Variants in PAPSS2 observed in about 807,000 individuals in gnomAD.
The protein encoded by PAPSS2 is 3'-phosphoadenosine 5'-phosphosulfate synthase 2.
Under a neutral mutation model 66.5 loss-of-function variants are expected in PAPSS2, and 61 were observed. The observed-to-expected ratio is 0.92, with a 90% CI of 0.75 to 1.14. The LOEUF (loss-of-function observed/expected upper bound fraction) is 1.14, where lower values mean the gene tolerates loss of function less well. PAPSS2 is among the 50% of genes most tolerant of loss of function. The pLI is 0.00. For missense variants in PAPSS2, 708 were observed against 789.6 expected (o/e 0.90, Z 1.24); for synonymous variants, 289 against 287.5 (o/e 1.01, Z -0.05).
intron 1 of PAPSS2, among the ~76,000 whole-genome samples, chr10:87,679,104 A>T (rs1264031259): frequency 6.6e-6 from 1 of 152,244 alleles, no homozygotes. Context: ...GCCATAAAAA[A>T]GAATGAAATC....
At chr10:87,721,354 C>G (rs1289757547) in intron 7 of PAPSS2, among the ~76,000 whole-genome samples, 3 of 152,072 alleles carry the variant, frequency 2.0e-5, no homozygotes, top group Admixed American at 2.0e-4. Context: ...CTCCCAAAGC[C>G]TAGTTTGGAA....
intron 7 of PAPSS2, 48 bp downstream of exon 7, chr10:87,715,891 A>T: frequency 3.2e-6 from 4 of 1,231,800 alleles, no homozygotes; most frequent in Non-Finnish European, 4.8e-6. Flanking sequence ...AGGAAAAAAA[A>T]AAATCTTTCC....
chr10:87,678,753 G>A (rs1257753304), intron 1 of PAPSS2, among the ~76,000 whole-genome samples: 1 of 152,008 alleles, frequency 6.6e-6, no homozygotes, highest in East Asian at 1.9e-4. Context: ...TCATGTAGAA[G>A]GGCTAATATG....
At chr10:87,738,662 G>C (rs570586199) in intron 9 of PAPSS2, among the ~76,000 whole-genome samples, 1 of 152,242 alleles carries the variant, frequency 6.6e-6, no homozygotes, top group East Asian at 1.9e-4. Context: ...ACCCAACTTG[G>C]CTCATGCTGG....
At chr10:87,681,590 C>T (rs1437201103) in intron 1 of PAPSS2, among the ~76,000 whole-genome samples, 1 of 152,072 alleles carries the variant, frequency 6.6e-6, no homozygotes, top group Admixed American at 6.6e-5. Context: ...TTTAACTGTA[C>T]AGTTTAAAGA....
At chr10:87,693,898 G>A (rs76707923) in intron 1 of PAPSS2, among the ~76,000 whole-genome samples, 8,530 of 152,260 alleles carry the variant, frequency 0.056, 793 homozygotes, top group African/African-American at 0.19. Context: ...GGTCTCACTT[G>A]AAGAAATCTT....
chr10:87,738,649 T>A (rs1156540795), intron 9 of PAPSS2, among the ~76,000 whole-genome samples: 1 of 152,178 alleles, frequency 6.6e-6, no homozygotes, highest in African/African-American at 2.4e-5. Context: ...GCTTAAGCAA[T>A]CCACCCAACT....
In PAPSS2 at chr10:87,727,479, C is replaced by G. The variant is rs771777618; in HGVS notation, c.1076C>G (p.Pro359Arg). ...RVWGTTCTKH[P>R]HIKMVMESGD... The stretch of plus-strand genomic sequence containing the variant: ...TGGGGGACAACATGTACAAAACACC[C>G]CCATATCAAAGTAAGTCACAAAACC... Residue 359 changes from proline to arginine, a missense_variant, in exon 9 of 13, where the codon CCC becomes CGC. By Grantham distance (103) the Pro-to-Arg change is moderately radical. Coordinates refer to ENST00000456849, the MANE Select transcript of PAPSS2 (RefSeq NM_001015880.2). 1 of 1,611,210 alleles carries G rather than the reference C, an allele frequency of 6.2e-7. No individual in the cohort carries two copies. The highest frequency in any genetic ancestry group is 1.3e-5 in the African/African-American group (1 of 74,962).
chr10:87,665,472 A>C (rs985631511), intron 1 of PAPSS2, among the ~76,000 whole-genome samples: 1 of 152,160 alleles, frequency 6.6e-6, no homozygotes, highest in African/African-American at 2.4e-5. Context: ...CGGCCTCCCA[A>C]AGTGCTGGGA....
In PAPSS2 at chr10:87,714,202, G is replaced by A. The variant is rs770670272; in HGVS notation, c.520+20G>A. The A allele has an allele frequency of 2.5e-6, 4 of 1,610,310 alleles. No individual in the cohort carries two copies. The South Asian group carries it at 4.4e-5, about 18-fold the overall frequency. On this transcript the variant is annotated intron_variant, in intron 4 of 12. Coordinates refer to ENST00000456849, the MANE Select transcript of PAPSS2 (RefSeq NM_001015880.2). Reference sequence around the variant, plus strand: ...TTAAAGGTAAGAGAATTGGCTAGTAGCGTCTACCAGTTACATAGGCTGTCA... The same window carrying A: ...TTAAAGGTAAGAGAATTGGCTAGTAACGTCTACCAGTTACATAGGCTGTCA...
intron 9 of PAPSS2, among the ~76,000 whole-genome samples, chr10:87,728,168 G>A (rs1274976139): frequency 6.6e-6 from 1 of 152,070 alleles, no homozygotes; most frequent in African/African-American, 2.4e-5. Flanking sequence ...TCGGTGATGG[G>A]GTGGGGTGGG....
At chr10:87,665,413 G>A (rs549793513) in intron 1 of PAPSS2, among the ~76,000 whole-genome samples, 48 of 152,230 alleles carry the variant, frequency 3.2e-4, no homozygotes, top group East Asian at 1.9e-4. Context: ...GGGTTTCACC[G>A]CGTTAACCAG....
At position 87,745,209 on chromosome 10, in the gene PAPSS2, A is replaced by G. The variant is rs776862248; in HGVS notation, c.1699A>G (p.Met567Val). The change falls in exon 12 of 13, where the codon ATG becomes GTG. Residue 567 changes from methionine (M) to valine (V), a missense_variant. Met to Val is a conservative substitution (Grantham distance 21). Coordinates refer to ENST00000456849, the MANE Select transcript of PAPSS2 (RefSeq NM_001015880.2). ...VAAYNKAKKA[M>V]DFYDPARHNE... is the part of the protein sequence containing the mutation. The stretch of plus-strand genomic sequence containing the variant: ...TGCCTACAACAAAGCCAAAAAAGCC[A>G]TGGACTTCTATGATCCAGCAAGGTA... 1 of 1,613,172 alleles carries G rather than the reference A, an allele frequency of 6.2e-7. No individual in the cohort carries two copies.
chr10:87,703,345 G>A (rs1415130642), intron 1 of PAPSS2, among the ~76,000 whole-genome samples: 1 of 151,160 alleles, frequency 6.6e-6, no homozygotes, highest in Non-Finnish European at 1.5e-5. Context: ...TCCATTGTCT[G>A]ATTCGATCAT....
At position 87,689,580 on chromosome 10, in the gene PAPSS2, C is replaced by T. The variant is rs1233930726; in HGVS notation, c.28-19616C>T. On this transcript the variant is annotated intron_variant, in intron 1 of 12. Coordinates refer to ENST00000456849, the MANE Select transcript of PAPSS2 (RefSeq NM_001015880.2). ...ACTTGGGAGGCTGAGGCAGGAGAAT[C>T]GCTTGAACCTGGGAGGTGGAGGTTT... Among the ~76,000 whole-genome samples, 12 of 144,874 alleles carry T rather than the reference C, an allele frequency of 8.3e-5. No individual in the cohort carries two copies. The South Asian group carries it at 2.2e-3, about 27-fold the overall frequency.
At chr10:87,738,726 C>T (rs1221771798) in intron 9 of PAPSS2, among the ~76,000 whole-genome samples, 2 of 152,150 alleles carry the variant, frequency 1.3e-5, no homozygotes, top group African/African-American at 4.8e-5. Context: ...TAATAGTGGC[C>T]ATCCTAATGG....
intron 1 of PAPSS2, among the ~76,000 whole-genome samples, chr10:87,679,492 C>A (rs1215053941): frequency 1.3e-5 from 2 of 152,182 alleles, no homozygotes; most frequent in African/African-American, 4.8e-5. Flanking sequence ...TCTTCAAATA[C>A]CCTGACTTAA....
intron 12 of PAPSS2, 95 bp downstream of exon 12, chr10:87,745,326 C>T (rs895608155): frequency 2.5e-5 from 23 of 920,730 alleles, no homozygotes; most frequent in Non-Finnish European, 3.8e-5. Context: ...CAGTGCATTG[C>T]CACATGCTCC....
intron 11 of PAPSS2, among the ~76,000 whole-genome samples, 190 bp downstream of exon 11, chr10:87,743,831 G>A (rs1221062231): frequency 6.6e-6 from 1 of 152,180 alleles, no homozygotes; most frequent in African/African-American, 2.4e-5. Context: ...AAGGCCAGGC[G>A]CAGTGGCTGT....
Sources: gnomAD v4.1 joint callset for allele counts (sites outside exome capture counted in the v4.1 genomes callset) on GRCh38, gnomAD v4.1.1 for gene constraint, MANE v1.5 for transcripts, NCBI Gene and HGNC (gene_info 2026-07-23, HGNC 2026-07-21) for gene names.